COMT: variants seen among roughly 807,000 people sequenced by gnomAD.
The protein encoded by COMT is catechol O-methyltransferase.
In COMT, 13 loss-of-function variants were observed where a neutral mutation model predicts 18.9. That is an observed-to-expected ratio of 0.69 (90% CI 0.45 to 1.09). The LOEUF (loss-of-function observed/expected upper bound fraction) is 1.09, where lower values mean the gene tolerates loss of function less well. Ranked by LOEUF, COMT falls within the 50% of genes least tolerant of loss-of-function variation. COMT has a pLI of 0.00. For missense variants in COMT, 329 were observed against 361.8 expected (o/e 0.91, Z 0.73); for synonymous variants, 150 against 160.9 (o/e 0.93, Z 0.51).
At chr22:19,952,521 T>TC (rs1941964385) in intron 1 of COMT, among the ~76,000 whole-genome samples, 1 of 151,458 alleles carries the variant, frequency 6.6e-6, no homozygotes, top group Non-Finnish European at 1.5e-5. Flanking sequence ...GCGCCTGTAG[T>TC]CCCAGCTACT....
chr22:19,962,422 C>T (rs1316432951), intron 2 of COMT, 105 bp from the exon 3 acceptor site: 1 of 1,514,478 alleles, frequency 6.6e-7, no homozygotes, highest in Non-Finnish European at 8.8e-7. Context: ...GAACCTTGCC[C>T]CTCTGCAAAC....
chr22:19,963,080 G>A (rs1281277000), intron 3 of COMT, among the ~76,000 whole-genome samples: 2 of 152,156 alleles, frequency 1.3e-5, no homozygotes, highest in Non-Finnish European at 2.9e-5. Flanking sequence ...CTTGAACTCT[G>A]TTCTGGCCAC....
At chr22:19,964,601 G>T in intron 5 of COMT, 2 of 605,972 alleles carry the variant, frequency 3.3e-6, no homozygotes, top group South Asian at 3.9e-5. Flanking sequence ...CAGACACCAG[G>T]GCAGAAACGG....
At chr22:19,963,001 G>A (rs1601527947) in intron 3 of COMT, 186 bp downstream of exon 3, 1 of 666,978 alleles carries the variant, frequency 1.5e-6, no homozygotes, top group African/African-American at 1.8e-5. Flanking sequence ...ACCCCTGCAG[G>A]CCCTGCTGCC....
intron 2 of COMT, 122 bp from the exon 3 acceptor site, chr22:19,962,405 C>T: frequency 6.7e-6 from 10 of 1,484,998 alleles, no homozygotes; most frequent in Non-Finnish European, 9.0e-6. Flanking sequence ...ACAAGGCTGG[C>T]ATTTCTGAAC....
Position 19,963,766 on chromosome 22 carries a change from A to C in COMT, c.483+7A>C. 2 of 1,609,430 alleles carry C rather than the reference A, an allele frequency of 1.2e-6. No individual in the cohort carries two copies. The highest frequency in any genetic ancestry group is 1.7e-6 in the Non-Finnish European group (2 of 1,179,654). ...CGCTGGCGTGAAGGACAAGGTGTGC[A>C]TGCCTGACCCGTTGTCAGACCTGGA... On this transcript the variant is annotated splice_region_variant and intron_variant, in intron 4 of 5. Transcript: ENST00000361682.
Position 19,941,775 on chromosome 22 carries a change from C to G in COMT, c.-214C>G, listed in dbSNP as rs1159919237. 6.6e-7 allele frequency: 1 copy of G among 1,525,580 alleles called. No homozygotes were observed. Among genetic ancestry groups the G allele is most frequent in the Non-Finnish European group, 8.7e-7 (1 of 1,146,386 alleles). The allele number at this position is 1,525,580 out of a possible 1,614,324, so 94.5% of individuals were successfully genotyped here. A position where few individuals can be genotyped will look rare whatever the true frequency, so the allele number is the denominator to read the frequency against. On this transcript the variant is annotated 5_prime_UTR_variant, in exon 1 of 6. It adds an upstream start codon to the 5' untranslated region. Coordinates refer to ENST00000361682, the MANE Select transcript of COMT (RefSeq NM_000754.4). The stretch of plus-strand genomic sequence containing the variant: ...CCGCCACCGGAAGCGCCCTCCTAAT[C>G]CCCGCAGCGCCACCGCCATTGCCGC...
chr22:19,963,163 C>T (rs1295008105), intron 3 of COMT, among the ~76,000 whole-genome samples: 1 of 152,144 alleles, frequency 6.6e-6, no homozygotes, highest in Non-Finnish European at 1.5e-5. Flanking sequence ...CAGCCTGGGG[C>T]ACAGGATGTG....
At chr22:19,954,001 G>T (rs1022099209) in intron 1 of COMT, among the ~76,000 whole-genome samples, 6 of 152,206 alleles carry the variant, frequency 3.9e-5, no homozygotes, top group Non-Finnish European at 8.8e-5. Flanking sequence ...CACAGTAAAG[G>T]AGTGGAGGGG....
In COMT at chr22:19,969,929, C is replaced by T. The variant is rs1186077045; in HGVS notation, c.*1193C>T. 1 of 985,422 alleles carries T rather than the reference C, an allele frequency of 1.0e-6. No individual in the cohort carries two copies. Among genetic ancestry groups the T allele is most frequent in the Non-Finnish European group, 1.2e-6 (1 of 829,932 alleles). The allele number at this position is 985,422 out of a possible 1,614,324, so 61.0% of individuals were successfully genotyped here. ...CTGCTTTAATTTTTAAATTTTCTTA[C>T]AAAAATTTAGGTGTTTACCAATAGT... On this transcript the variant is annotated 3_prime_UTR_variant, in exon 6 of 6. Coordinates refer to ENST00000361682, the MANE Select transcript of COMT (RefSeq NM_000754.4).
rs1942586852 is a variant in COMT at position 19,968,879 on chromosome 22, T to C, written c.*143T>C. 6 of 735,364 alleles carry C rather than the reference T, an allele frequency of 8.2e-6. No homozygotes were observed. Among genetic ancestry groups the C allele is most frequent in the Non-Finnish European group, 1.4e-5 (6 of 427,680 alleles). The allele number at this position is 735,364 out of a possible 1,614,324, so 45.6% of individuals were successfully genotyped here. A position where few individuals can be genotyped will look rare whatever the true frequency, so the allele number is the denominator to read the frequency against. ...GGCCGAGGCCTGCGCCCTGACATGC[T>C]AACCTCTCTGAACTGCAACACTGGA... On this transcript the variant is annotated 3_prime_UTR_variant, in exon 6 of 6. Transcript: ENST00000361682.
intron 1 of COMT, among the ~76,000 whole-genome samples, chr22:19,954,217 T>G (rs1449811599): frequency 6.1e-5 from 1 of 16,526 alleles, no homozygotes; most frequent in African/African-American, 4.3e-4. Flanking sequence ...AGGTATTGAG[T>G]CAAAAAAAAA....
At chr22:19,964,468 G>A (rs934594660) in intron 5 of COMT, 169 bp downstream of exon 5, 19 of 1,017,838 alleles carry the variant, frequency 1.9e-5, no homozygotes, top group Non-Finnish European at 1.2e-5. Flanking sequence ...GAGGCCCTGT[G>A]GTGGGTGGAG....
chr22:19,963,573 C>G lies in COMT; in HGVS notation c.297C>G (p.Ile99Met), dbSNP rs760348397. ...GTCCCCAACCCTGCACAGGCAAGAT[C>G]GTGGACGCCGTGATTCAGGAGCACC... Reference protein sequence around the residue: ...AMNVGDKKGKIVDAVIQEHQP... With the variant: ...AMNVGDKKGKMVDAVIQEHQP... The change falls in exon 4 of 6, where the codon ATC (isoleucine) becomes ATG (methionine). Residue 99 changes from isoleucine to methionine, a missense_variant. Ile to Met is a conservative substitution (Grantham distance 10, BLOSUM62 1). Coordinates refer to ENST00000361682, the MANE Select transcript of COMT (RefSeq NM_000754.4). 2.5e-6 allele frequency: 4 copies of G among 1,612,200 alleles called. No individual in the cohort carries two copies. The highest frequency in any genetic ancestry group is 1.1e-5 in the South Asian group (1 of 91,080).
At position 19,950,241 on chromosome 22, in the gene COMT, C is replaced by CTTT. The variant is rs55653258; in HGVS notation, c.-92+8364_-92+8366dup. Among the ~76,000 whole-genome samples the CTTT allele has an allele frequency of 8.5e-4, 75 of 87,870 alleles. 1 individual carries two copies. Among genetic ancestry groups the CTTT allele is most frequent in the African/African-American group, 2.8e-3 (65 of 22,944 alleles). 57.6% of individuals were successfully genotyped at this position (87,870 alleles called of 152,430 possible). A position where few individuals can be genotyped will look rare whatever the true frequency, so the allele number is the denominator to read the frequency against. On this transcript the variant is annotated intron_variant, in intron 1 of 5. Coordinates refer to ENST00000361682, the MANE Select transcript of COMT (RefSeq NM_000754.4). Reference sequence around the variant, plus strand: ...TATATTTTTTCTTTTCTTTTCTTTTCTTTTTTTTTTTTTTTTTTTTTTCTG... The same window carrying CTTT: ...TATATTTTTTCTTTTCTTTTCTTTTCTTTTTTTTTTTTTTTTTTTTTTTTTCTG...
At chr22:19,941,919 G>C (rs988852817) in intron 1 of COMT, 22 bp downstream of exon 1, 1 of 1,130,272 alleles carries the variant, frequency 8.8e-7, no homozygotes, top group Non-Finnish European at 1.2e-6. Context: ...GGCTAGACCG[G>C]GGCCGAATGC....
At chr22:19,962,836 T>C in intron 3 of COMT, 21 bp downstream of exon 3, 1 of 1,593,186 alleles carries the variant, frequency 6.3e-7, no homozygotes, top group African/African-American at 1.3e-5. Flanking sequence ...GGCCAGCAGG[T>C]GCTCAGCTCT....
intron 3 of COMT, 109 bp from the exon 4 acceptor site, chr22:19,963,457 T>C (rs980962153): frequency 6.8e-6 from 9 of 1,314,738 alleles, no homozygotes; most frequent in Non-Finnish European, 9.5e-6. Flanking sequence ...CGGCCAGGCA[T>C]TTGGGAGGGG....
intron 1 of COMT, among the ~76,000 whole-genome samples, chr22:19,950,578 C>T: frequency 6.6e-6 from 1 of 151,720 alleles, no homozygotes; most frequent in East Asian, 1.9e-4. Flanking sequence ...CACTGCGAGC[C>T]CCTGATGGGG....
Sources: allele counts gnomAD v4.1 joint callset (sites outside exome capture counted in the v4.1 genomes callset), GRCh38; gene constraint gnomAD v4.1.1; transcripts MANE v1.5; gene names NCBI Gene and HGNC (gene_info 2026-07-23, HGNC 2026-07-21).